CPAMD8: variants seen among roughly 807,000 people sequenced by gnomAD.
CPAMD8 encodes C3 and PZP-like alpha-2-macroglobulin domain-containing protein 8.
A neutral mutation model predicts 224.7 loss-of-function variants in CPAMD8; 146 were observed. That is an observed-to-expected ratio of 0.65 (90% confidence interval 0.57 to 0.75). CPAMD8 has a LOEUF of 0.75. Ranked by LOEUF, CPAMD8 falls within the 30% of genes least tolerant of loss-of-function variation. CPAMD8 has a pLI of 0.00. For missense variants in CPAMD8, 2,301 were observed against 2,537.5 expected (o/e 0.91, Z 2.00); for synonymous variants, 966 against 1,044.6 (o/e 0.92, Z 1.45).
intron 10 of CPAMD8, among the ~76,000 whole-genome samples, chr19:16,997,933 ACCAGAACTC>A (rs1348277815): frequency 1.3e-5 from 2 of 152,180 alleles, no homozygotes; most frequent in East Asian, 3.8e-4. Context: ...ACTCTGGGGC[ACCAGAACTC>A]CCTCATTCAA....
chr19:16,910,256 G>T (rs773922), intron 29 of CPAMD8, among the ~76,000 whole-genome samples: 3 of 149,340 alleles, frequency 2.0e-5, no homozygotes, highest in Admixed American at 6.7e-5. Flanking sequence ...CGCAATCTCC[G>T]CCTCCCAGGT....
chr19:16,973,617 G>C (rs1485350186), intron 17 of CPAMD8, among the ~76,000 whole-genome samples: 1 of 151,988 alleles, frequency 6.6e-6, no homozygotes, highest in South Asian at 2.1e-4. Context: ...CCAAAGTGCT[G>C]GGATTACAGG....
chr19:16,927,255 G>A (rs2053396481), intron 25 of CPAMD8, among the ~76,000 whole-genome samples: 6 of 151,990 alleles, frequency 3.9e-5, no homozygotes, highest in Non-Finnish European at 5.9e-5. Context: ...TACTGTTCTC[G>A]CAGTAGTGAA....
At chr19:16,893,575 C>T (rs1411622198) in intron 41 of CPAMD8, 3 of 443,084 alleles carry the variant, frequency 6.8e-6, no homozygotes, top group Non-Finnish European at 1.2e-5. Flanking sequence ...TGGGCAAATG[C>T]AGACATAAGC....
In CPAMD8 at chr19:16,939,740, C is replaced by A. The variant is rs553411979; in HGVS notation, c.2794-1294G>T. Among the ~76,000 whole-genome samples the A allele has an allele frequency of 2.6e-5, 4 of 152,228 alleles. No individual in the cohort carries two copies. The East Asian group carries it at 7.7e-4, about 29-fold the overall frequency. On this transcript the variant is annotated intron_variant, in intron 22 of 41. Coordinates refer to ENST00000443236, the MANE Select transcript of CPAMD8 (RefSeq NM_015692.5). ...AAGATTGGTTCCACTCTCTGCCCAA[C>A]TGCTTGAGCTGGGACATTGATCTTC...
intron 23 of CPAMD8, among the ~76,000 whole-genome samples, chr19:16,935,507 G>T (rs1194721283): frequency 6.6e-6 from 1 of 152,092 alleles, no homozygotes; most frequent in African/African-American, 2.4e-5. Context: ...AATAATTCAT[G>T]TATCTTTTGG....
At position 16,914,410 on chromosome 19, in the gene CPAMD8, C is replaced by A; in HGVS notation, c.3861+14G>T. 2 of 1,613,248 alleles carry A rather than the reference C, an allele frequency of 1.2e-6. No homozygotes were observed. The highest frequency in any genetic ancestry group is 1.7e-6 in the Non-Finnish European group (2 of 1,179,172). On this transcript the variant is annotated intron_variant, in intron 29 of 41. Coordinates refer to ENST00000443236, the MANE Select transcript of CPAMD8 (RefSeq NM_015692.5). ...GCCCAGCCCCGAGTCTCCCCAAACC[C>A]CTTCTGTACTCACCTCTGAGGCTGT...
intron 16 of CPAMD8, among the ~76,000 whole-genome samples, chr19:16,975,660 A>G (rs1382173054): frequency 6.6e-6 from 1 of 152,114 alleles, no homozygotes; most frequent in Admixed American, 6.6e-5. Context: ...GTGAGCTATG[A>G]TCACGCCACT....
chr19:16,923,992 A>G (rs2053268424), intron 26 of CPAMD8, among the ~76,000 whole-genome samples: 1 of 151,958 alleles, frequency 6.6e-6, no homozygotes, highest in Non-Finnish European at 1.5e-5. Flanking sequence ...GGAATTAGTC[A>G]CAGAGGTGAC....
chr19:16,979,809 G>A (rs1242637821), intron 14 of CPAMD8, among the ~76,000 whole-genome samples: 1 of 121,192 alleles, frequency 8.3e-6, no homozygotes, highest in East Asian at 2.5e-4. Flanking sequence ...CTTCGCCTGA[G>A]AGATCCTGCC....
intron 8 of CPAMD8, 162 bp from the exon 9 acceptor site, chr19:17,002,512 T>G (rs891155739): frequency 1.9e-6 from 1 of 521,252 alleles, no homozygotes; most frequent in African/African-American, 1.9e-5. Flanking sequence ...CTGGGGATTT[T>G]GTGGGCTGCA....
rs945273045 is a variant in CPAMD8 at position 16,896,566 on chromosome 19, G to C, written c.5165C>G (p.Pro1722Arg). 1 of 1,509,612 alleles carries C rather than the reference G, an allele frequency of 6.6e-7. No homozygotes were observed. Among genetic ancestry groups the C allele is most frequent in the East Asian group, 2.6e-5 (1 of 38,408 alleles). 93.5% of individuals were successfully genotyped at this position (1,509,612 alleles called of 1,614,324 possible). ...CDHDCGAQGN[P>R]VCGSDGVVYA... is the part of the protein sequence containing the mutation. ...GACCACCCCGTCGGAGCCGCACACC[G>C]GGTTCCCCTGGGCGCCGCAGTCGTG... The change falls in exon 40 of 42, where the codon CCG becomes CGG. Residue 1722 changes from proline (P) to arginine (R), a missense_variant. Coordinates refer to ENST00000443236, the MANE Select transcript of CPAMD8 (RefSeq NM_015692.5).
Position 16,985,907 on chromosome 19 carries a change from A to G in CPAMD8, c.1395+3736T>C, listed in dbSNP as rs80192711. ...GCATTAATTTATAAATCTAGGTGAAAGTCTCATGGTTGTTTATTATATTAA... is the reference window on the plus strand; with the variant it reads ...GCATTAATTTATAAATCTAGGTGAAGGTCTCATGGTTGTTTATTATATTAA... On this transcript the variant is annotated intron_variant, in intron 13 of 41. Transcript: ENST00000443236. Among the ~76,000 whole-genome samples the G allele has an allele frequency of 4.0e-3, 603 of 152,076 alleles. 1 individual carries two copies. The highest frequency in any genetic ancestry group is 6.8e-3 in the Non-Finnish European group (464 of 67,996).
At position 17,008,937 on chromosome 19, in the gene CPAMD8, C is replaced by CA. The variant is rs901310111; in HGVS notation, c.504+365dup. On this transcript the variant is annotated intron_variant, in intron 6 of 41. Transcript: ENST00000443236. Reference sequence around the variant, plus strand: ...ACCCCCATTTCCACTAAAAAAGATACAAAAAAAAATTAGCTGGGTGTGGTG... The same window carrying CA: ...ACCCCCATTTCCACTAAAAAAGATACAAAAAAAAAATTAGCTGGGTGTGGTG... Among the ~76,000 whole-genome samples the CA allele has an allele frequency of 1.3e-3, 192 of 150,948 alleles. 1 individual carries two copies. The highest frequency in any genetic ancestry group is 6.8e-3 in the Middle Eastern group (2 of 294).
chr19:16,914,363 A>T, intron 29 of CPAMD8, 61 bp downstream of exon 29: 2 of 1,377,050 alleles, frequency 1.5e-6, no homozygotes, highest in Non-Finnish European at 2.1e-6. Flanking sequence ...AAAGGAGGGA[A>T]CCTTCCATTT....
At chr19:16,952,586 G>A (rs970551456) in intron 19 of CPAMD8, among the ~76,000 whole-genome samples, 8 of 152,092 alleles carry the variant, frequency 5.3e-5, no homozygotes, top group African/African-American at 7.2e-5. Context: ...CTGAAGTGGG[G>A]GATTCACTTG....
chr19:16,923,105 C>T (rs1207205415), intron 26 of CPAMD8, among the ~76,000 whole-genome samples: 1 of 152,182 alleles, frequency 6.6e-6, no homozygotes, highest in Non-Finnish European at 1.5e-5. Flanking sequence ...GTGCCGGGGA[C>T]AGGGAACGGA....
At chr19:16,998,363 G>A (rs1001340649) in intron 10 of CPAMD8, among the ~76,000 whole-genome samples, 8 of 152,192 alleles carry the variant, frequency 5.3e-5, no homozygotes, top group Non-Finnish European at 8.8e-5. Context: ...GGGAGGCTGA[G>A]GCAGGAGAAT....
intron 23 of CPAMD8, among the ~76,000 whole-genome samples, chr19:16,937,982 T>C (rs1165237221): frequency 1.3e-5 from 2 of 152,130 alleles, no homozygotes; most frequent in African/African-American, 4.8e-5. Flanking sequence ...TTGATAAGTT[T>C]CACCACGTTG....
Sources: allele counts gnomAD v4.1 joint callset (sites outside exome capture counted in the v4.1 genomes callset), GRCh38; gene constraint gnomAD v4.1.1; transcripts MANE v1.5; gene names NCBI Gene and HGNC (gene_info 2026-07-23, HGNC 2026-07-21).